Variants in RNF24 observed in about 807,000 individuals in gnomAD.
The protein encoded by RNF24 is ring finger protein 24.
RNF24 carries 14 observed loss-of-function variants against 20.0 expected under a neutral mutation model. That is an observed-to-expected ratio of 0.70 (90% CI 0.46 to 1.10). RNF24 has a LOEUF of 1.10. Ranked by LOEUF, RNF24 falls within the 50% of genes least tolerant of loss-of-function variation. RNF24 has a pLI of 0.00. For synonymous variants in RNF24, 45 were observed against 61.1 expected, an observed-to-expected ratio of 0.74 and a Z score of 1.23; for missense variants, 124 against 177.6, an observed-to-expected ratio of 0.70 and a Z score of 1.71.
chr20:3,983,150 T>C (rs778405233), intron 1 of RNF24, among the ~76,000 whole-genome samples: 1 of 152,212 alleles, frequency 6.6e-6, no homozygotes, highest in Non-Finnish European at 1.5e-5. Flanking sequence ...AACAAATTCC[T>C]GTTCATTATA....
At chr20:3,975,131 A>G (rs1269851621) in intron 1 of RNF24, among the ~76,000 whole-genome samples, 1 of 152,220 alleles carries the variant, frequency 6.6e-6, no homozygotes, top group African/African-American at 2.4e-5. Context: ...ATTTTTGAGA[A>G]ATGTGCAATC....
At chr20:3,997,721 T>C (rs1413454724) in intron 1 of RNF24, among the ~76,000 whole-genome samples, 1 of 152,166 alleles carries the variant, frequency 6.6e-6, no homozygotes, top group East Asian at 1.9e-4. Context: ...CCACTGCACC[T>C]GGACAGAAAA....
rs750224766 is a variant in RNF24, at chr20:3,982,910, C to T, written c.-7-18886G>A. On this transcript the variant is annotated intron_variant, in intron 1 of 5. Transcript: ENST00000358395. Reference sequence around the variant, plus strand: ...CCTGTCTCTACAAACAAAGTGAGACCTTTAATAGGTGATTAGGCTATGAGG... The same window carrying T: ...CCTGTCTCTACAAACAAAGTGAGACTTTTAATAGGTGATTAGGCTATGAGG... 4.6e-5 allele frequency among the ~76,000 whole-genome samples: 7 copies of T among 152,234 alleles called. No homozygotes were observed. In the South Asian group the frequency reaches 8.3e-4, roughly 18 times the overall value.
chr20:3,928,044 G>C lies in RNF24; in HGVS notation c.*6019C>G, dbSNP rs1250901512. On this transcript the variant is annotated 3_prime_UTR_variant, in exon 6 of 6. Transcript: ENST00000358395. ...CACTCAAATGGAAGCACACTCCCCAGCACATGGGGATCCCTTATTAATCTT... is the reference window on the plus strand; with the variant it reads ...CACTCAAATGGAAGCACACTCCCCACCACATGGGGATCCCTTATTAATCTT... 1 of 152,106 alleles carries C rather than the reference G, an allele frequency of 6.6e-6. No individual in the cohort carries two copies. Among genetic ancestry groups the C allele is most frequent in the African/African-American group, 2.4e-5 (1 of 41,414 alleles). 9.4% of individuals were successfully genotyped at this position (152,106 alleles called of 1,614,324 possible). A position where few individuals can be genotyped will look rare whatever the true frequency, so the allele number is the denominator to read the frequency against.
At chr20:3,954,634 G>A (rs934015524) in intron 2 of RNF24, among the ~76,000 whole-genome samples, 2 of 152,186 alleles carry the variant, frequency 1.3e-5, no homozygotes, top group Admixed American at 6.5e-5. Flanking sequence ...GCCAGGTATG[G>A]TGGCTCATGC....
rs2090756851 is a variant in RNF24, at chr20:3,928,261, G to C, written c.*5802C>G. 1 of 152,150 alleles carries C rather than the reference G, an allele frequency of 6.6e-6. No homozygotes were observed. Among genetic ancestry groups the C allele is most frequent in the South Asian group, 2.1e-4 (1 of 4,830 alleles). The allele number at this position is 152,150 out of a possible 1,614,324, so 9.4% of individuals were successfully genotyped here. A position where few individuals can be genotyped will look rare whatever the true frequency, so the allele number is the denominator to read the frequency against. On this transcript the variant is annotated 3_prime_UTR_variant, in exon 6 of 6. Coordinates refer to ENST00000358395, the MANE Select transcript of RNF24 (RefSeq NM_001134337.3). Reference sequence around the variant, plus strand: ...ATAGAGAATTTTTTCTCAAGTTTTGGGTTAGGGCACCAGTTGCAATTTTAA... The same window carrying C: ...ATAGAGAATTTTTTCTCAAGTTTTGCGTTAGGGCACCAGTTGCAATTTTAA...
intron 1 of RNF24, among the ~76,000 whole-genome samples, chr20:4,010,273 TG>T (rs1295573341): frequency 2.0e-5 from 3 of 152,044 alleles, no homozygotes; most frequent in Non-Finnish European, 4.4e-5. Flanking sequence ...CTCGGGAGGC[TG>T]AGGCAGGAGA....
intron 1 of RNF24, among the ~76,000 whole-genome samples, chr20:3,998,200 G>C (rs1981045038): frequency 6.6e-6 from 1 of 152,170 alleles, no homozygotes; most frequent in East Asian, 1.9e-4. Flanking sequence ...CAGCACTTTG[G>C]GAGGCCAAGG....
chr20:3,978,873 A>C (rs1489152620), intron 1 of RNF24, among the ~76,000 whole-genome samples: 2 of 152,034 alleles, frequency 1.3e-5, no homozygotes, highest in Non-Finnish European at 2.9e-5. Context: ...TGGGAGGCCG[A>C]GGTGGGTGGA....
At chr20:3,943,493 A>G (rs986423243) in intron 4 of RNF24, among the ~76,000 whole-genome samples, 2 of 152,222 alleles carry the variant, frequency 1.3e-5, no homozygotes, top group African/African-American at 2.4e-5. Flanking sequence ...CAGGCACACA[A>G]ATCAAGAGAA....
At chr20:3,966,469 A>AGTGAGTGT (rs1555797803) in intron 1 of RNF24, among the ~76,000 whole-genome samples, 1 of 129,232 alleles carries the variant, frequency 7.7e-6, no homozygotes, top group African/African-American at 2.9e-5. Context: ...TTAAGGCTTT[A>AGTGAGTGT]GTGTGTGTGT....
chr20:3,943,300 GA>G (rs1412958428), intron 4 of RNF24, among the ~76,000 whole-genome samples: 40 of 149,436 alleles, frequency 2.7e-4, no homozygotes, highest in Middle Eastern at 3.6e-3. Flanking sequence ...ATCCCAGCAG[GA>G]TTTTTTTTTT....
At chr20:3,969,011 C>G (rs972633908) in intron 1 of RNF24, among the ~76,000 whole-genome samples, 1 of 151,910 alleles carries the variant, frequency 6.6e-6, no homozygotes, top group African/African-American at 2.4e-5. Flanking sequence ...GGTTTAACCA[C>G]GGATTTGTCA....
intron 4 of RNF24, among the ~76,000 whole-genome samples, chr20:3,938,609 C>A (rs1258141720): frequency 6.6e-6 from 1 of 152,178 alleles, no homozygotes; most frequent in Non-Finnish European, 1.5e-5. Context: ...ATTTTGCAGG[C>A]TTCTTATTAC....
chr20:3,976,498 C>T (rs1978879671), intron 1 of RNF24, among the ~76,000 whole-genome samples: 1 of 152,140 alleles, frequency 6.6e-6, no homozygotes, highest in Admixed American at 6.5e-5. Flanking sequence ...ATGCAACTGC[C>T]ATACAACTCA....
intron 1 of RNF24, among the ~76,000 whole-genome samples, chr20:4,000,388 G>A (rs1392600381): frequency 6.6e-6 from 1 of 152,130 alleles, no homozygotes; most frequent in African/African-American, 2.4e-5. Context: ...AGCCAGGTGT[G>A]GTGGCGCATG....
At chr20:3,955,995 C>T (rs2091137412) in intron 2 of RNF24, among the ~76,000 whole-genome samples, 1 of 152,070 alleles carries the variant, frequency 6.6e-6, no homozygotes, top group African/African-American at 2.4e-5. Context: ...TGAAAGTTTG[C>T]TGAATTTATT....
chr20:3,937,062 C>G (rs1334892681), intron 4 of RNF24, among the ~76,000 whole-genome samples: 1 of 152,144 alleles, frequency 6.6e-6, no homozygotes, highest in African/African-American at 2.4e-5. Flanking sequence ...TGCTCTCGAT[C>G]TCTTGACCTT....
chr20:4,009,711 G>A (rs1051614358), intron 1 of RNF24, among the ~76,000 whole-genome samples: 7 of 152,090 alleles, frequency 4.6e-5, no homozygotes, highest in Non-Finnish European at 1.0e-4. Flanking sequence ...TAGCTTTGCC[G>A]GGCAGTGCTG....
Sources: allele counts gnomAD v4.1 joint callset (sites outside exome capture counted in the v4.1 genomes callset), GRCh38; gene constraint gnomAD v4.1.1; transcripts MANE v1.5; gene names NCBI Gene and HGNC (gene_info 2026-07-23, HGNC 2026-07-21).